Variants in TCF20 observed in about 807,000 individuals in gnomAD.
The protein encoded by TCF20 is transcription factor 20.
Under a neutral mutation model 148.6 loss-of-function variants are expected in TCF20, and 3 were observed. The ratio of observed to expected loss-of-function variants is 0.02; its 90% CI spans 0.01 to 0.05. TCF20 has a LOEUF of 0.05. TCF20 is among the 10% of genes least tolerant of loss of function. The pLI, the probability that TCF20 is intolerant of heterozygous loss-of-function variation, is 1.00. For synonymous variants in TCF20, 1,049 were observed against 909.5 expected, an observed-to-expected ratio of 1.15 and a Z score of -2.76; for missense variants, 2,350 against 2,429.3, an observed-to-expected ratio of 0.97 and a Z score of 0.69.
chr22:42,170,626 C>CAAAAAAAAAAAAAAAAAAAAAAAAAAA (rs58579686), intron 3 of TCF20, among the ~76,000 whole-genome samples: 1 of 72,100 alleles, frequency 1.4e-5, no homozygotes, highest in Non-Finnish European at 2.5e-5. Context: ...GACTCCGTCT[C>CAAAAAAAAAAAAAAAAAAAAAAAAAAA]AAAAAAAAAA....
At chr22:42,331,463 G>C (rs1393972393) in intron 1 of TCF20, among the ~76,000 whole-genome samples, 1 of 152,224 alleles carries the variant, frequency 6.6e-6, no homozygotes, top group Non-Finnish European at 1.5e-5. Context: ...GCCTTGTGGG[G>C]TTAAGTCAGA....
chr22:42,295,539 G>C (rs1213512625), intron 1 of TCF20, among the ~76,000 whole-genome samples: 1 of 151,688 alleles, frequency 6.6e-6, no homozygotes, highest in Non-Finnish European at 1.5e-5. Flanking sequence ...CGCCTCCCAG[G>C]TTCAAGCAAT....
intron 1 of TCF20, among the ~76,000 whole-genome samples, chr22:42,293,624 A>G (rs1228670550): frequency 2.0e-5 from 3 of 152,140 alleles, no homozygotes; most frequent in South Asian, 4.1e-4. Flanking sequence ...GGCCTGGGGC[A>G]CCTTAACCAG....
chr22:42,268,684 C>G (rs1410499085), intron 1 of TCF20, among the ~76,000 whole-genome samples: 2 of 152,206 alleles, frequency 1.3e-5, no homozygotes, highest in Non-Finnish European at 2.9e-5. Context: ...ACACATTTTC[C>G]AAGTAGACAA....
chr22:42,201,592 AC>A (rs1417571612), intron 2 of TCF20, among the ~76,000 whole-genome samples: 63 of 152,012 alleles, frequency 4.1e-4, no homozygotes, highest in Non-Finnish European at 7.4e-4. Context: ...ACATGGTGAA[AC>A]CCCGTCTCTA....
intron 1 of TCF20, among the ~76,000 whole-genome samples, chr22:42,255,788 G>A (rs1168797417): frequency 6.6e-6 from 1 of 151,340 alleles, no homozygotes; most frequent in South Asian, 2.1e-4. Context: ...TCCTCAGTCA[G>A]AACAACGCCC....
At chr22:42,221,434 T>C (rs1922347077) in intron 1 of TCF20, among the ~76,000 whole-genome samples, 1 of 152,176 alleles carries the variant, frequency 6.6e-6, no homozygotes, top group Non-Finnish European at 1.5e-5. Flanking sequence ...GTGCCATCTG[T>C]TTTCTACTGG....
chr22:42,217,993 A>C (rs1921979076), intron 1 of TCF20, among the ~76,000 whole-genome samples: 1 of 152,252 alleles, frequency 6.6e-6, no homozygotes, highest in South Asian at 2.1e-4. Flanking sequence ...ATAATGTCAG[A>C]ATCTAAAGGA....
chr22:42,164,720 G>C (rs923565110), intron 5 of TCF20, among the ~76,000 whole-genome samples: 1 of 152,230 alleles, frequency 6.6e-6, no homozygotes, highest in Non-Finnish European at 1.5e-5. Flanking sequence ...CAAGCGAGGA[G>C]GGGGGCAATG....
intron 2 of TCF20, among the ~76,000 whole-genome samples, chr22:42,193,266 A>ATCT (rs1569125335): frequency 6.6e-6 from 1 of 151,082 alleles, no homozygotes; most frequent in Non-Finnish European, 1.5e-5. Context: ...TCCTCAATAC[A>ATCT]TCTCCTCCTC....
intron 5 of TCF20, among the ~76,000 whole-genome samples, chr22:42,161,861 C>G (rs185348584): frequency 1.3e-5 from 2 of 151,908 alleles, no homozygotes; most frequent in Admixed American, 1.3e-4. Context: ...ATCGCTCTGT[C>G]GCCTTGGCTC....
chr22:42,271,162 CAA>C (rs1416676562), upstream of TCF20, among the ~76,000 whole-genome samples: 1 of 152,226 alleles, frequency 6.6e-6, no homozygotes, highest in Non-Finnish European at 1.5e-5. Context: ...GGGGGCAGCC[CAA>C]GACCTAGCTG....
chr22:42,180,570 T>C (rs1462171902), intron 2 of TCF20, among the ~76,000 whole-genome samples: 2 of 152,188 alleles, frequency 1.3e-5, no homozygotes, highest in African/African-American at 4.8e-5. Flanking sequence ...CCAGCAAGAC[T>C]AGCTGGAAGA....
At chr22:42,216,097 T>TTG (rs1459379296) in intron 1 of TCF20, among the ~76,000 whole-genome samples, 6 of 133,974 alleles carry the variant, frequency 4.5e-5, no homozygotes, top group African/African-American at 1.7e-4. Flanking sequence ...TTTTTTTTTT[T>TTG]TTTTTTTTTT....
Position 42,292,320 on chromosome 22 carries a change from G to A in TCF20, c.-37+51159C>T, listed in dbSNP as rs1422441785. ...CGTGTCCTGATCCGCTGAGGCCCCA[G>A]TGCTAAAATCAGGCCACGTGCACTA... is the stretch of plus-strand genomic sequence containing the variant. On this transcript the variant is annotated intron_variant, in intron 1 of 1. Transcript: ENST00000515426. This position sits in a 1 kb window ranked among gnomAD's most constrained non-coding sequence, Gnocchi z 4.9. 1.3e-5 allele frequency among the ~76,000 whole-genome samples: 2 copies of A among 152,174 alleles called. No individual in the cohort carries two copies. Among genetic ancestry groups the A allele is most frequent in the African/African-American group, 4.8e-5 (2 of 41,426 alleles).
At position 42,210,134 on chromosome 22, in the gene TCF20, A is replaced by T; in HGVS notation, c.5172T>A (p.Phe1724Leu). ...GAGTGGCTGCATAATCTTGGGGATA[A>T]AAAGGTCCAAAGAGGTCACCCATGT... ...YRNMGDLFGP[F>L]YPQDYAATLP... The change falls in exon 2 of 6, where the codon TTT becomes TTA. Residue 1724 changes from phenylalanine to leucine, a missense_variant. Physicochemically the swap from Phe to Leu is conservative, Grantham distance 22 (BLOSUM62 0). This residue lies in a region of TCF20 where 374 missense variants were observed against 398.3 expected (regional missense o/e 0.94). Transcript: ENST00000677622. This position sits in a 1 kb window ranked among gnomAD's most constrained non-coding sequence, Gnocchi z 4.7. 6 of 1,614,158 alleles carry T rather than the reference A, an allele frequency of 3.7e-6. No homozygotes were observed. Among genetic ancestry groups the T allele is most frequent in the Non-Finnish European group, 5.1e-6 (6 of 1,180,038 alleles).
At chr22:42,263,241 A>G (rs142633318) in intron 1 of TCF20, among the ~76,000 whole-genome samples, 108 of 152,292 alleles carry the variant, frequency 7.1e-4, no homozygotes, top group African/African-American at 2.5e-3. Context: ...TTCAGCAATA[A>G]TATCCTCTCA....
At chr22:42,326,959 G>A (rs1254528836) in intron 1 of TCF20, among the ~76,000 whole-genome samples, 1 of 152,268 alleles carries the variant, frequency 6.6e-6, no homozygotes, top group African/African-American at 2.4e-5. Flanking sequence ...AGTGAGGAAA[G>A]GGCAGATCTT....
chr22:42,210,452 G>A lies in TCF20; in HGVS notation c.4854C>T (p.Thr1618=). Residue 1618 remains threonine, a synonymous_variant, in exon 2 of 6, where the codon ACC becomes ACT. Transcript: ENST00000677622. This position sits in a 1 kb window ranked among gnomAD's most constrained non-coding sequence, Gnocchi z 4.7. ...QEPEIKLKYA[T]QPLDKTDAKN... is the part of the protein sequence containing the mutation. ...TGGCATCAGTTTTATCCAGTGGCTG[G>A]GTGGCATATTTTAGTTTGATCTCAG... 1.2e-6 allele frequency: 2 copies of A among 1,614,198 alleles called. No homozygotes were observed. The highest frequency in any genetic ancestry group is 1.7e-6 in the Non-Finnish European group (2 of 1,180,042).
Sources: gnomAD v4.1 joint callset for allele counts (sites outside exome capture counted in the v4.1 genomes callset) on GRCh38, gnomAD v4.1.1 for gene constraint, gnomAD v4.1.1 regional missense constraint, Gnocchi (gnomAD v3.1) non-coding constraint, MANE v1.5 for transcripts, NCBI Gene and HGNC (gene_info 2026-07-23, HGNC 2026-07-21) for gene names.